GDPD1: variants seen among roughly 807,000 people sequenced by gnomAD.
The protein encoded by GDPD1 is glycerophosphodiester phosphodiesterase domain containing 1, also known as lysophospholipase D GDPD1.
Under a neutral mutation model 45.1 loss-of-function variants are expected in GDPD1, and 28 were observed. The observed-to-expected ratio is 0.62, with a 90% confidence interval of 0.46 to 0.85. The LOEUF is 0.85. Ranked by LOEUF, GDPD1 falls within the 40% of genes least tolerant of loss-of-function variation. The pLI is 0.00. For missense variants in GDPD1, 256 were observed against 364.8 expected (o/e 0.70, Z 2.43); for synonymous variants, 139 against 131.4 (o/e 1.06, Z -0.40).
rs1292741622 is a variant in GDPD1, at chr17:59,248,789, A to C, written c.367+4A>C. The C allele has an allele frequency of 1.3e-6, 2 of 1,597,244 alleles. No homozygotes were observed. Among genetic ancestry groups the C allele is most frequent in the Admixed American group, 1.7e-5 (1 of 58,496 alleles). ...CTGGATGTCTCATTTCAAAGAGGTA[A>C]TATTTTTTGTTTGTGGCTTAAACAT... is the stretch of plus-strand genomic sequence containing the variant. On this transcript the variant is annotated splice_donor_region_variant and intron_variant, in intron 4 of 9. Transcript: ENST00000284116.
At chr17:59,233,463 G>A (rs1408861469) in intron 1 of GDPD1, among the ~76,000 whole-genome samples, 5 of 138,550 alleles carry the variant, frequency 3.6e-5, no homozygotes, top group Non-Finnish European at 7.5e-5. Context: ...AGTGAGCCGA[G>A]ATAGTGCCAC....
intron 2 of GDPD1, among the ~76,000 whole-genome samples, chr17:59,236,736 C>T (rs546696428): frequency 1.3e-4 from 20 of 152,190 alleles, no homozygotes; most frequent in Non-Finnish European, 1.3e-4. Flanking sequence ...TCTCGAACTA[C>T]GGACCTCAAG....
intron 4 of GDPD1, among the ~76,000 whole-genome samples, chr17:59,252,995 A>G (rs2047267996): frequency 6.6e-6 from 1 of 152,228 alleles, no homozygotes; most frequent in East Asian, 1.9e-4. Context: ...CTGTCTCAAC[A>G]ACAAAAAAAA....
In GDPD1 at chr17:59,259,515, C is replaced by T. The variant is rs191778303; in HGVS notation, c.576+1675C>T. Among the ~76,000 whole-genome samples the T allele has an allele frequency of 1.4e-3, 194 of 139,242 alleles. 1 individual carries two copies. The highest frequency in any genetic ancestry group is 3.9e-3 in the Middle Eastern group (1 of 254). The allele number at this position is 139,242 out of a possible 152,430, so 91.3% of individuals were successfully genotyped here. A position where few individuals can be genotyped will look rare whatever the true frequency, so the allele number is the denominator to read the frequency against. ...CCGGGAGGCAGAGCTTGCAGTGAGCCGAGATCGCACCACTGCACTCCAGCC... is the reference window on the plus strand; with the variant it reads ...CCGGGAGGCAGAGCTTGCAGTGAGCTGAGATCGCACCACTGCACTCCAGCC... On this transcript the variant is annotated intron_variant, in intron 6 of 9. Coordinates refer to ENST00000284116, the MANE Select transcript of GDPD1 (RefSeq NM_182569.4).
chr17:59,227,506 A>G (rs1450196756), intron 1 of GDPD1, among the ~76,000 whole-genome samples: 1 of 152,170 alleles, frequency 6.6e-6, no homozygotes, highest in East Asian at 1.9e-4. Flanking sequence ...ACAATATTTT[A>G]TAATTCAATA....
At chr17:59,269,779 C>T (rs1057213142) in intron 7 of GDPD1, among the ~76,000 whole-genome samples, 2 of 151,886 alleles carry the variant, frequency 1.3e-5, no homozygotes, top group African/African-American at 4.8e-5. Flanking sequence ...GCCGAGATAG[C>T]GCCATTGCAC....
At chr17:59,224,389 G>A (rs1220432362) in intron 1 of GDPD1, among the ~76,000 whole-genome samples, 1 of 152,090 alleles carries the variant, frequency 6.6e-6, no homozygotes, top group African/African-American at 2.4e-5. Context: ...TTGGGAGGCC[G>A]AAGCGGGCGG....
chr17:59,270,841 C>G, intron 7 of GDPD1, 95 bp from the exon 8 acceptor site: 1 of 776,524 alleles, frequency 1.3e-6, no homozygotes, highest in Non-Finnish European at 2.2e-6. Flanking sequence ...ATACAAAGTA[C>G]AAGGCACTGT....
At chr17:59,268,106 A>G (rs2047412326) in intron 7 of GDPD1, among the ~76,000 whole-genome samples, 1 of 152,152 alleles carries the variant, frequency 6.6e-6, no homozygotes, top group African/African-American at 2.4e-5. Flanking sequence ...ACAAATACTA[A>G]GCACTCAAGA....
chr17:59,264,101 C>A (rs1385576555), intron 6 of GDPD1, among the ~76,000 whole-genome samples: 1 of 152,114 alleles, frequency 6.6e-6, no homozygotes, highest in Non-Finnish European at 1.5e-5. Context: ...TGGGTTCAAG[C>A]AATTCTCCTG....
At chr17:59,261,258 A>G (rs1568348838) in intron 6 of GDPD1, among the ~76,000 whole-genome samples, 1 of 151,992 alleles carries the variant, frequency 6.6e-6, no homozygotes. Flanking sequence ...AAGCCACCAC[A>G]CCTGGCCTAA....
rs1250113468 is a variant in GDPD1, at chr17:59,255,760, AAAATATATAT to A, written c.368-1360_368-1351del. 7.4e-4 allele frequency among the ~76,000 whole-genome samples: 50 copies of A among 67,498 alleles called. 2 individuals carry two copies. The highest frequency in any genetic ancestry group is 5.3e-3 in the African/African-American group (47 of 8,830). The allele number at this position is 67,498 out of a possible 152,430, so 44.3% of individuals were successfully genotyped here. On this transcript the variant is annotated intron_variant, in intron 4 of 9. Transcript: ENST00000284116. ...CTCCGTCTCAAAAAAAAAAAAAAAAAAAATATATATATATATATATATATACGCGTATATA... is the reference window on the plus strand; with the variant it reads ...CTCCGTCTCAAAAAAAAAAAAAAAAAATATATATATATATACGCGTATATA...
Position 59,247,575 on chromosome 17 carries a change from C to T in GDPD1, c.322-1165C>T, listed in dbSNP as rs183031374. Among the ~76,000 whole-genome samples, 23 of 152,120 alleles carry T rather than the reference C, an allele frequency of 1.5e-4. No homozygotes were observed. In the East Asian group the frequency reaches 4.1e-3, roughly 27 times the overall value. On this transcript the variant is annotated intron_variant, in intron 3 of 9. Coordinates refer to ENST00000284116, the MANE Select transcript of GDPD1 (RefSeq NM_182569.4). ...TATATAGTTATTTTTAACCATTCTT[C>T]GATTGATGGACATTGGATTAGTTCT... is the stretch of plus-strand genomic sequence containing the variant.
chr17:59,237,073 G>C (rs1236473708), intron 2 of GDPD1, among the ~76,000 whole-genome samples: 1 of 151,628 alleles, frequency 6.6e-6, no homozygotes, highest in Non-Finnish European at 1.5e-5. Context: ...TTTCATACTT[G>C]TTTCATTGAA....
At chr17:59,250,034 T>A (rs938044558) in intron 4 of GDPD1, among the ~76,000 whole-genome samples, 16 of 151,228 alleles carry the variant, frequency 1.1e-4, no homozygotes, top group African/African-American at 3.9e-4. Flanking sequence ...AAAAAAAAAA[T>A]TGACCACTGA....
At position 59,267,114 on chromosome 17, in the gene GDPD1, T is replaced by C; in HGVS notation, c.650T>C (p.Leu217Ser). ...CTTGGCCTTTTCTTCACTGGCCTCT[T>C]GCCCTTTGTGCCCATTCGAGAACAG... is the stretch of plus-strand genomic sequence containing the variant. ...LILGLFFTGL[L>S]PFVPIREQFF... The change falls in exon 7 of 10, where the codon TTG becomes TCG. Residue 217 changes from leucine (L) to serine (S), a missense_variant. Transcript: ENST00000284116. The C allele has an allele frequency of 1.2e-6, 2 of 1,613,914 alleles. No individual in the cohort carries two copies. Among genetic ancestry groups the C allele is most frequent in the Non-Finnish European group, 1.7e-6 (2 of 1,179,784 alleles).
chr17:59,224,773 G>A lies in GDPD1; in HGVS notation c.142+4022G>A, dbSNP rs138269989. Among the ~76,000 whole-genome samples, 11 of 152,226 alleles carry A rather than the reference G, an allele frequency of 7.2e-5. No individual in the cohort carries two copies. The East Asian group carries it at 2.1e-3, about 29-fold the overall frequency. On this transcript the variant is annotated intron_variant, in intron 1 of 9. Coordinates refer to ENST00000284116, the MANE Select transcript of GDPD1 (RefSeq NM_182569.4). ...GGAATTTGAGGTTGTTGCTATGATCGTGCCTGTGAATAGCCGCTGAACTTC... is the reference window on the plus strand; with the variant it reads ...GGAATTTGAGGTTGTTGCTATGATCATGCCTGTGAATAGCCGCTGAACTTC...
At chr17:59,265,098 C>T (rs1229820030) in intron 6 of GDPD1, among the ~76,000 whole-genome samples, 1 of 152,120 alleles carries the variant, frequency 6.6e-6, no homozygotes, top group Non-Finnish European at 1.5e-5. Flanking sequence ...GCCTTGGCCT[C>T]CCAAAGTGCT....
chr17:59,229,477 G>A (rs2047072768), intron 1 of GDPD1, among the ~76,000 whole-genome samples: 1 of 151,332 alleles, frequency 6.6e-6, no homozygotes, highest in Non-Finnish European at 1.5e-5. Flanking sequence ...TGCCCGCCTC[G>A]GCCTCCCAAA....
Sources: allele counts gnomAD v4.1 joint callset (sites outside exome capture counted in the v4.1 genomes callset), GRCh38; gene constraint gnomAD v4.1.1; transcripts MANE v1.5; gene names NCBI Gene and HGNC (gene_info 2026-07-23, HGNC 2026-07-21).